The following PDSS2 variants were observed in gnomAD, a reference collection of about 807,000 sequenced individuals.
PDSS2 encodes the protein decaprenyl diphosphate synthase subunit 2.
In PDSS2, 31 loss-of-function variants were observed where a neutral mutation model predicts 44.5. The ratio of observed to expected loss-of-function variants is 0.70; its 90% CI spans 0.52 to 0.94. The LOEUF is 0.94. Among genes scored for constraint, PDSS2 ranks in the 40% least tolerant of loss-of-function variants. PDSS2 has a pLI of 0.00. For missense variants in PDSS2, 452 were observed against 482.2 expected (o/e 0.94, Z 0.59); for synonymous variants, 157 against 180.3 (o/e 0.87, Z 1.03).
chr6:107,157,055 G>T (rs1208763866), intron 7 of PDSS2, among the ~76,000 whole-genome samples: 1 of 152,142 alleles, frequency 6.6e-6, no homozygotes, highest in African/African-American at 2.4e-5. Flanking sequence ...TTAATAAAAT[G>T]CAAAGACAAT....
chr6:107,351,022 A>G (rs1778417976), intron 1 of PDSS2, among the ~76,000 whole-genome samples: 1 of 152,168 alleles, frequency 6.6e-6, no homozygotes, highest in Non-Finnish European at 1.5e-5. Context: ...GGAATTATAC[A>G]CAAATTAATT....
chr6:107,319,029 C>T (rs200448190), intron 2 of PDSS2, among the ~76,000 whole-genome samples: 76 of 106,396 alleles, frequency 7.1e-4, no homozygotes, highest in East Asian at 3.8e-3. Context: ...CACACACATA[C>T]ACACACACAC....
At chr6:107,245,664 T>G in intron 3 of PDSS2, 45 bp from the exon 4 acceptor site, 1 of 1,167,846 alleles carries the variant, frequency 8.6e-7, no homozygotes, top group Non-Finnish European at 1.2e-6. Flanking sequence ...TTTAAATATA[T>G]CTCTATTGTT....
At chr6:107,164,628 C>T (rs1388990366) in intron 7 of PDSS2, among the ~76,000 whole-genome samples, 33 of 152,276 alleles carry the variant, frequency 2.2e-4, no homozygotes, top group African/African-American at 7.0e-4. Context: ...AATAAACATA[C>T]GTGTGCATGT....
intron 7 of PDSS2, among the ~76,000 whole-genome samples, chr6:107,173,637 A>G (rs1389871528): frequency 1.3e-5 from 2 of 149,746 alleles, no homozygotes; most frequent in Non-Finnish European, 3.0e-5. Flanking sequence ...TCATGCTACC[A>G]GAACTTAATG....
intron 1 of PDSS2, among the ~76,000 whole-genome samples, chr6:107,354,044 C>G (rs1195566920): frequency 6.6e-6 from 1 of 152,134 alleles, no homozygotes; most frequent in Non-Finnish European, 1.5e-5. Context: ...ATTGAATACA[C>G]TTGAACTATT....
chr6:107,410,935 A>T (rs1780473747), intron 1 of PDSS2, among the ~76,000 whole-genome samples: 1 of 151,824 alleles, frequency 6.6e-6, no homozygotes, highest in African/African-American at 2.4e-5. Context: ...CCCAGGCTGG[A>T]GTGCAGTGGC....
intron 1 of PDSS2, among the ~76,000 whole-genome samples, chr6:107,417,912 T>C (rs1027906244): frequency 1.3e-5 from 2 of 151,896 alleles, no homozygotes; most frequent in Non-Finnish European, 2.9e-5. Context: ...CAATAAAATA[T>C]ATAATCACAG....
chr6:107,344,640 G>C (rs1778184096), intron 1 of PDSS2, among the ~76,000 whole-genome samples: 1 of 152,184 alleles, frequency 6.6e-6, no homozygotes, highest in South Asian at 2.1e-4. Context: ...TGGAAGGAAA[G>C]GAAGGAAGAG....
chr6:107,404,494 A>G (rs565221222), intron 1 of PDSS2, among the ~76,000 whole-genome samples: 1 of 152,316 alleles, frequency 6.6e-6, no homozygotes, highest in South Asian at 2.1e-4. Flanking sequence ...TGGATAATTT[A>G]TAAAGAAAAA....
intron 7 of PDSS2, among the ~76,000 whole-genome samples, chr6:107,162,689 C>T (rs1251659593): frequency 1.4e-5 from 2 of 147,028 alleles, no homozygotes; most frequent in African/African-American, 5.1e-5. Flanking sequence ...CTCTGCACCT[C>T]TGCCTCCTGG....
intron 6 of PDSS2, among the ~76,000 whole-genome samples, chr6:107,205,643 GT>G (rs1482439763): frequency 2.0e-5 from 3 of 152,290 alleles, no homozygotes; most frequent in Admixed American, 2.0e-4. Context: ...CTCAGCAAAT[GT>G]TTTTCAGCTG....
Position 107,447,150 on chromosome 6 carries a change from G to A in PDSS2, c.296+11840C>T, listed in dbSNP as rs557842846. 2.6e-5 allele frequency among the ~76,000 whole-genome samples: 4 copies of A among 152,078 alleles called. No individual in the cohort carries two copies. In the South Asian group the frequency reaches 8.3e-4, roughly 32 times the overall value. On this transcript the variant is annotated intron_variant, in intron 1 of 7. Coordinates refer to ENST00000369037, the MANE Select transcript of PDSS2 (RefSeq NM_020381.4). ...AGATCGAGACCATCCTGGCTAACAC[G>A]GTGAAACCCCATCTCTATTAAAAAT...
intron 1 of PDSS2, among the ~76,000 whole-genome samples, chr6:107,396,242 T>C (rs1779935595): frequency 6.6e-6 from 1 of 152,180 alleles, no homozygotes; most frequent in Non-Finnish European, 1.5e-5. Flanking sequence ...AGCTCCCTCC[T>C]GTCTGTTATA....
rs58803876 is a variant in PDSS2, at chr6:107,269,340, C to CTGTGTGTGTGTGTGTG, written c.630+4673_630+4688dup. On this transcript the variant is annotated intron_variant, in intron 3 of 7. Transcript: ENST00000369037. ...GCCTTCTCAATCTCATTTCGTGTGTCTGTGTGTGTGTGTGTGTGTGTGTGT... is the reference window on the plus strand; with the variant it reads ...GCCTTCTCAATCTCATTTCGTGTGTCTGTGTGTGTGTGTGTGTGTGTGTGTGTGTGTGTGTGTGTGT... 3.1e-4 allele frequency among the ~76,000 whole-genome samples: 44 copies of CTGTGTGTGTGTGTGTG among 143,304 alleles called. 1 individual carries two copies. Among genetic ancestry groups the CTGTGTGTGTGTGTGTG allele is most frequent in the African/African-American group, 3.9e-4 (15 of 38,486 alleles). The allele number at this position is 143,304 out of a possible 152,430, so 94.0% of individuals were successfully genotyped here. A position where few individuals can be genotyped will look rare whatever the true frequency, so the allele number is the denominator to read the frequency against.
At chr6:107,414,699 A>G (rs1273935408) in intron 1 of PDSS2, among the ~76,000 whole-genome samples, 1 of 152,228 alleles carries the variant, frequency 6.6e-6, no homozygotes, top group African/African-American at 2.4e-5. Flanking sequence ...CAACAGAAGC[A>G]TATGGGCTTC....
At chr6:107,337,759 A>C (rs1480291985) in intron 1 of PDSS2, among the ~76,000 whole-genome samples, 1 of 152,122 alleles carries the variant, frequency 6.6e-6, no homozygotes, top group African/African-American at 2.4e-5. Context: ...TAGCATATAT[A>C]ATCTCCTATG....
intron 2 of PDSS2, among the ~76,000 whole-genome samples, chr6:107,289,012 C>T (rs1041070021): frequency 2.7e-5 from 4 of 150,404 alleles, no homozygotes; most frequent in African/African-American, 9.8e-5. Context: ...GGTGATCCGC[C>T]CACCTCGGCC....
At chr6:107,250,446 C>T (rs1405089653) in intron 3 of PDSS2, among the ~76,000 whole-genome samples, 1 of 151,956 alleles carries the variant, frequency 6.6e-6, no homozygotes, top group East Asian at 1.9e-4. Context: ...TTTATAATTG[C>T]TAAGTTTATA....
Sources: gnomAD v4.1 joint callset for allele counts (sites outside exome capture counted in the v4.1 genomes callset) on GRCh38, gnomAD v4.1.1 for gene constraint, MANE v1.5 for transcripts, NCBI Gene and HGNC (gene_info 2026-07-23, HGNC 2026-07-21) for gene names.